The following DHRS9 variants were observed in gnomAD, a reference collection of about 807,000 sequenced individuals.
DHRS9 encodes the protein dehydrogenase/reductase SDR family member 9.
In DHRS9, 18 loss-of-function variants were observed where a neutral mutation model predicts 26.6. The ratio of observed to expected loss-of-function variants is 0.68; its 90% CI spans 0.47 to 1.00. The LOEUF is 1.00. DHRS9 is among the 50% of genes least tolerant of loss of function. The probability of loss-of-function intolerance (pLI) is 0.00; values close to 1 mark genes in which losing one functional copy is unlikely to be tolerated. For missense variants in DHRS9, 425 were observed against 378.7 expected (o/e 1.12, Z -1.01); for synonymous variants, 134 against 141.1 (o/e 0.95, Z 0.36).
chr2:169,090,284 A>G (rs1684481802), intron 3 of DHRS9, among the ~76,000 whole-genome samples: 1 of 152,190 alleles, frequency 6.6e-6, no homozygotes, highest in Non-Finnish European at 1.5e-5. Flanking sequence ...TTACCTGGTA[A>G]GCTTAGTTGG....
intron 3 of DHRS9, among the ~76,000 whole-genome samples, chr2:169,086,221 T>C (rs912281783): frequency 3.3e-5 from 5 of 152,200 alleles, no homozygotes. Context: ...TAGCCTGTCT[T>C]CAAGCTTACT....
chr2:169,090,934 C>G (rs1219449514), intron 3 of DHRS9, among the ~76,000 whole-genome samples: 1 of 152,214 alleles, frequency 6.6e-6, no homozygotes, highest in Admixed American at 6.6e-5. Flanking sequence ...CAAAGAACTG[C>G]TATGCTGCAG....
rs371030685 is a variant in DHRS9 at position 169,091,757 on chromosome 2, G to A, written c.573-33G>A. On this transcript the variant is annotated intron_variant, in intron 3 of 4. Transcript: ENST00000674881. Reference sequence around the variant, plus strand: ...TAGCAAATATTTTCTAAACAAACCCGGATTAAACATCTTCAATGGGTTCTT... The same window carrying A: ...TAGCAAATATTTTCTAAACAAACCCAGATTAAACATCTTCAATGGGTTCTT... 9 of 1,559,768 alleles carry A rather than the reference G, an allele frequency of 5.8e-6. No homozygotes were observed. In the East Asian group the frequency reaches 9.1e-5, roughly 16 times the overall value.
intron 3 of DHRS9, among the ~76,000 whole-genome samples, chr2:169,086,844 C>G (rs1684367427): frequency 6.6e-6 from 1 of 152,216 alleles, no homozygotes; most frequent in South Asian, 2.1e-4. Context: ...CTTACTTTCT[C>G]CCAAACAAGT....
chr2:169,083,718 A>G (rs966962596), intron 3 of DHRS9, 131 bp downstream of exon 3: 1 of 1,013,406 alleles, frequency 9.9e-7, no homozygotes, highest in African/African-American at 1.6e-5. Context: ...GTGGGTACAT[A>G]GTAGGTATAT....
chr2:169,089,962 G>A (rs949237649), intron 3 of DHRS9, among the ~76,000 whole-genome samples: 9 of 152,140 alleles, frequency 5.9e-5, no homozygotes, highest in African/African-American at 2.2e-4. Flanking sequence ...ACAACCAGCA[G>A]TATCATAATA....
In DHRS9 at chr2:169,095,743, G is replaced by C; in HGVS notation, c.936G>C (p.Glu312Asp). 6.2e-7 allele frequency: 1 copy of C among 1,613,766 alleles called. No homozygotes were observed. The highest frequency in any genetic ancestry group is 2.2e-5 in the East Asian group (1 of 44,860). The change falls in exon 5 of 5, where the codon GAG becomes GAC. Residue 312 changes from glutamate to aspartate, a missense_variant. By Grantham distance (45) the Glu-to-Asp change is conservative. Transcript: ENST00000674881. ...QDFLLLKQKAELANPKAV is the reference protein window; with the variant it reads ...QDFLLLKQKADLANPKAV ...TTTTATTGTTGAAACAGAAAGCAGA[G>C]CTGGCTAATCCCAAGGCAGTGTGAC...
chr2:169,071,639 G>A (rs1683807603), intron 1 of DHRS9, among the ~76,000 whole-genome samples: 1 of 152,136 alleles, frequency 6.6e-6, no homozygotes, highest in Non-Finnish European at 1.5e-5. Flanking sequence ...GGCTGCCAAG[G>A]ATTACCTCCT....
chr2:169,074,024 C>T (rs1363150980), intron 1 of DHRS9, among the ~76,000 whole-genome samples: 3 of 152,124 alleles, frequency 2.0e-5, no homozygotes, highest in African/African-American at 4.8e-5. Flanking sequence ...ACTAAACATG[C>T]TAAATGCACA....
At chr2:169,073,033 C>A (rs1028552170) in intron 1 of DHRS9, among the ~76,000 whole-genome samples, 14 of 152,210 alleles carry the variant, frequency 9.2e-5, no homozygotes, top group African/African-American at 3.4e-4. Context: ...TTTGCCCCAG[C>A]GATTCAGAGG....
chr2:169,083,187 C>T (rs1684243779), intron 2 of DHRS9, 142 bp from the exon 3 acceptor site: 5 of 1,098,464 alleles, frequency 4.6e-6, no homozygotes, highest in East Asian at 2.4e-5. Context: ...TATCACTTCC[C>T]AAAACTGCGA....
intron 1 of DHRS9, among the ~76,000 whole-genome samples, chr2:169,081,305 T>C (rs1684173592): frequency 6.6e-6 from 1 of 152,186 alleles, no homozygotes; most frequent in South Asian, 2.1e-4. Flanking sequence ...CCATTTAATT[T>C]CTCTGAATAC....
chr2:169,082,778 AAGGC>A (rs1684229895), intron 2 of DHRS9, among the ~76,000 whole-genome samples: 1 of 151,562 alleles, frequency 6.6e-6, no homozygotes, highest in Admixed American at 6.6e-5. Flanking sequence ...ACTATCTAGC[AAGGC>A]AGGAAAAATA....
At chr2:169,092,822 T>C (rs1012632052) in intron 4 of DHRS9, among the ~76,000 whole-genome samples, 3 of 152,204 alleles carry the variant, frequency 2.0e-5, no homozygotes, top group Admixed American at 1.3e-4. Flanking sequence ...CTTGTCACCA[T>C]TCTAAGTGCT....
chr2:169,071,008 G>T (rs1229266609), intron 1 of DHRS9, among the ~76,000 whole-genome samples: 4 of 151,910 alleles, frequency 2.6e-5, no homozygotes, highest in African/African-American at 9.7e-5. Flanking sequence ...AGCTTGCAGT[G>T]AGCTGAGATC....
At chr2:169,067,149 GC>G (rs1462554035), upstream of DHRS9, 3 of 1,535,348 alleles carry the variant, frequency 2.0e-6, no homozygotes, top group South Asian at 2.4e-5. Context: ...ACATCATTAT[GC>G]CAGAAGGAAG....
intron 3 of DHRS9, among the ~76,000 whole-genome samples, chr2:169,087,405 G>A (rs947925180): frequency 1.3e-5 from 2 of 152,050 alleles, no homozygotes; most frequent in Admixed American, 6.5e-5. Context: ...CCCAGGATAG[G>A]TTGAGAAATG....
chr2:169,092,860 C>CA (rs1684574683), intron 4 of DHRS9, among the ~76,000 whole-genome samples: 1 of 152,090 alleles, frequency 6.6e-6, no homozygotes, highest in Admixed American at 6.6e-5. Context: ...TAAAATCCCC[C>CA]AAAAAACTCT....
intron 1 of DHRS9, among the ~76,000 whole-genome samples, chr2:169,078,862 C>T (rs181457327): frequency 2.5e-5 from 3 of 120,656 alleles, no homozygotes; most frequent in Admixed American, 2.1e-4. Flanking sequence ...CTTGCACTGT[C>T]GCCAGGGCTG....
Sources: gnomAD v4.1 joint callset for allele counts (sites outside exome capture counted in the v4.1 genomes callset) on GRCh38, gnomAD v4.1.1 for gene constraint, MANE v1.5 for transcripts, NCBI Gene and HGNC (gene_info 2026-07-23, HGNC 2026-07-21) for gene names.